The following BBX variants were observed in gnomAD, a reference collection of about 807,000 sequenced individuals.
BBX encodes HMG box transcription factor BBX.
In BBX, 30 loss-of-function variants were observed where a neutral mutation model predicts 100.2. The observed-to-expected ratio is 0.30, with a 90% CI of 0.22 to 0.41. The LOEUF (loss-of-function observed/expected upper bound fraction) is 0.41, where lower values mean the gene tolerates loss of function less well. Ranked by LOEUF, BBX falls within the 10% of genes least tolerant of loss-of-function variation. BBX has a pLI of 1.00. For synonymous variants in BBX, 376 were observed against 388.1 expected, an observed-to-expected ratio of 0.97 and a Z score of 0.37; for missense variants, 1,023 against 1,129.8, an observed-to-expected ratio of 0.91 and a Z score of 1.35.
chr3:107,800,960 A>T (rs1215043210), intron 16 of BBX, 135 bp from the exon 17 acceptor site: 1 of 835,036 alleles, frequency 1.2e-6, no homozygotes, highest in Non-Finnish European at 1.9e-6. Flanking sequence ...TAAAAGCCTT[A>T]ATATTCGATG....
intron 8 of BBX, among the ~76,000 whole-genome samples, chr3:107,746,840 G>GA (rs1220037120): frequency 4.6e-5 from 7 of 151,926 alleles, no homozygotes; most frequent in Non-Finnish European, 1.0e-4. Flanking sequence ...TAACTAAAAC[G>GA]AAAAAGCAGT....
At chr3:107,650,358 G>A (rs2057768241) in intron 3 of BBX, among the ~76,000 whole-genome samples, 1 of 152,014 alleles carries the variant, frequency 6.6e-6, no homozygotes, top group Admixed American at 6.6e-5. Flanking sequence ...CTGATGATCT[G>A]AGGTGGAACA....
At position 107,542,713 on chromosome 3, in the gene BBX, C is replaced by T. The variant is rs563367426; in HGVS notation, c.-84+16315C>T. Among the ~76,000 whole-genome samples, 5 of 152,274 alleles carry T rather than the reference C, an allele frequency of 3.3e-5. No individual in the cohort carries two copies. The South Asian group carries it at 1.0e-3, about 32-fold the overall frequency. ...TGAGTTTCAGAGGCTCAGCAACTTG[C>T]CCAAGGTCATTCTTCTGGTAAATGG... is the stretch of plus-strand genomic sequence containing the variant. On this transcript the variant is annotated intron_variant, in intron 2 of 17. Coordinates refer to ENST00000325805, the MANE Select transcript of BBX (RefSeq NM_001142568.3).
intron 13 of BBX, among the ~76,000 whole-genome samples, chr3:107,788,480 A>C (rs1026897800): frequency 2.0e-5 from 3 of 152,068 alleles, no homozygotes; most frequent in African/African-American, 7.2e-5. Context: ...ACCTAGTTGT[A>C]GTGAGTTTAA....
chr3:107,706,945 T>C (rs1313380195), intron 3 of BBX, among the ~76,000 whole-genome samples: 1 of 152,206 alleles, frequency 6.6e-6, no homozygotes, highest in African/African-American at 2.4e-5. Context: ...ATCAGGAACA[T>C]CATTTCCCTT....
At chr3:107,774,536 T>C (rs575257307) in intron 11 of BBX, among the ~76,000 whole-genome samples, 183 bp from the exon 12 acceptor site, 1 of 152,284 alleles carries the variant, frequency 6.6e-6, no homozygotes, top group South Asian at 2.1e-4. Context: ...CTAAGTCACT[T>C]TTCTGCATGT....
intron 2 of BBX, among the ~76,000 whole-genome samples, chr3:107,543,726 A>T (rs966082582): frequency 1.3e-5 from 2 of 152,216 alleles, no homozygotes; most frequent in South Asian, 2.1e-4. Context: ...CCAGCTTCAC[A>T]ACAGCTCATC....
intron 10 of BBX, among the ~76,000 whole-genome samples, chr3:107,759,504 T>C (rs2065734098): frequency 6.6e-6 from 1 of 152,192 alleles, no homozygotes; most frequent in African/African-American, 2.4e-5. Context: ...TTGTGTATTA[T>C]AGTGGCTATA....
At chr3:107,767,809 G>A (rs1312682778) in intron 10 of BBX, among the ~76,000 whole-genome samples, 1 of 151,784 alleles carries the variant, frequency 6.6e-6, no homozygotes, top group Non-Finnish European at 1.5e-5. Context: ...ACTGCTGACT[G>A]CCTTTCCTTG....
chr3:107,717,391 T>C (rs551856032), intron 5 of BBX, among the ~76,000 whole-genome samples: 200 of 152,276 alleles, frequency 1.3e-3, no homozygotes, highest in Non-Finnish European at 2.3e-3. Context: ...TCTTTTTTTT[T>C]CTTTCCTAAT....
At chr3:107,736,366 C>T (rs573461851) in intron 7 of BBX, among the ~76,000 whole-genome samples, 2 of 151,154 alleles carry the variant, frequency 1.3e-5, no homozygotes, top group African/African-American at 2.4e-5. Context: ...GGAGCTACAA[C>T]GGAGATGACA....
At chr3:107,687,979 C>T (rs576424715) in intron 3 of BBX, among the ~76,000 whole-genome samples, 4 of 152,108 alleles carry the variant, frequency 2.6e-5, no homozygotes, top group South Asian at 2.1e-4. Context: ...CACTTGAACC[C>T]GGGAGGCGGA....
intron 2 of BBX, among the ~76,000 whole-genome samples, chr3:107,528,070 CAA>C (rs1260882081): frequency 6.6e-6 from 1 of 152,146 alleles, no homozygotes; most frequent in Admixed American, 6.5e-5. Context: ...TTCATTAAAA[CAA>C]TATTTTCAAG....
chr3:107,750,957 G>A (rs1281952221), intron 9 of BBX, among the ~76,000 whole-genome samples: 1 of 152,206 alleles, frequency 6.6e-6, no homozygotes, highest in African/African-American at 2.4e-5. Flanking sequence ...TTTACACACA[G>A]ATTGCTGGGC....
chr3:107,718,385 T>C (rs961731018), intron 5 of BBX, among the ~76,000 whole-genome samples: 1 of 150,700 alleles, frequency 6.6e-6, no homozygotes, highest in African/African-American at 2.4e-5. Flanking sequence ...ATAGGGCCTG[T>C]GGAAAATTTG....
At chr3:107,548,735 A>G (rs545327374) in intron 2 of BBX, among the ~76,000 whole-genome samples, 1 of 152,286 alleles carries the variant, frequency 6.6e-6, no homozygotes, top group South Asian at 2.1e-4. Flanking sequence ...CGTGGAATCA[A>G]CCTAGGTGCC....
At position 107,805,363 on chromosome 3, in the gene BBX, T is replaced by C. The variant is rs756638641; in HGVS notation, c.2739-7T>C. ...ATAAGTGACTTTTTCTTCCTTTTAT[T>C]TTACAGAGGTCAGAGGTCAACTCCG... is the stretch of plus-strand genomic sequence containing the variant. On this transcript the variant is annotated splice_region_variant and splice_polypyrimidine_tract_variant and intron_variant, in intron 17 of 17. Coordinates refer to ENST00000325805, the MANE Select transcript of BBX (RefSeq NM_001142568.3). 1 of 1,604,940 alleles carries C rather than the reference T, an allele frequency of 6.2e-7. No individual in the cohort carries two copies. The highest frequency in any genetic ancestry group is 8.5e-7 in the Non-Finnish European group (1 of 1,175,750).
chr3:107,764,278 C>T (rs1210601967), intron 10 of BBX, among the ~76,000 whole-genome samples: 2 of 152,200 alleles, frequency 1.3e-5, no homozygotes, highest in African/African-American at 4.8e-5. Flanking sequence ...AGGCGTGAGC[C>T]ACCACGCCCA....
chr3:107,574,553 A>G (rs1178955948), intron 2 of BBX, among the ~76,000 whole-genome samples: 2 of 152,214 alleles, frequency 1.3e-5, no homozygotes, highest in African/African-American at 4.8e-5. Flanking sequence ...ATATGATAAT[A>G]AACACTCAAT....
Sources: gnomAD v4.1 joint callset for allele counts (sites outside exome capture counted in the v4.1 genomes callset) on GRCh38, gnomAD v4.1.1 for gene constraint, MANE v1.5 for transcripts, NCBI Gene and HGNC (gene_info 2026-07-23, HGNC 2026-07-21) for gene names.